Variants in INTS9 observed in about 807,000 individuals in gnomAD.
INTS9 encodes the protein integrator complex subunit 9.
In INTS9, 55 loss-of-function variants were observed where a neutral mutation model predicts 79.7. The observed-to-expected ratio is 0.69, with a 90% CI of 0.56 to 0.86. INTS9 has a LOEUF of 0.86. Among genes scored for constraint, INTS9 ranks in the 40% least tolerant of loss-of-function variants. The pLI is 0.00. For synonymous variants in INTS9, 319 were observed against 325.2 expected (o/e 0.98, Z 0.20); for missense variants, 721 against 831.5 (o/e 0.87, Z 1.64).
intron 9 of INTS9, among the ~76,000 whole-genome samples, chr8:28,796,023 T>C (rs1166198190): frequency 1.3e-5 from 2 of 152,080 alleles, no homozygotes; most frequent in Non-Finnish European, 2.9e-5. Flanking sequence ...AAAATATACC[T>C]GTTTGGCCGG....
In INTS9 at chr8:28,768,115, G is replaced by C. The variant is rs1041007285; in HGVS notation, c.*31C>G. 1.9e-6 allele frequency: 3 copies of C among 1,611,426 alleles called. No homozygotes were observed. The highest frequency in any genetic ancestry group is 2.5e-6 in the Non-Finnish European group (3 of 1,178,286). The stretch of plus-strand genomic sequence containing the variant: ...TGAGGGCAGCCAGTGAGGGACTGCA[G>C]GATTTCAGGGAAGTAGCTCAGATGG... On this transcript the variant is annotated 3_prime_UTR_variant, in exon 17 of 17. Coordinates refer to ENST00000521022, the MANE Select transcript of INTS9 (RefSeq NM_018250.4).
chr8:28,779,620 C>G (rs1803121524), intron 12 of INTS9, among the ~76,000 whole-genome samples: 1 of 152,200 alleles, frequency 6.6e-6, no homozygotes, highest in African/African-American at 2.4e-5. Flanking sequence ...CATCCTGACG[C>G]CACCCAATAC....
intron 6 of INTS9, among the ~76,000 whole-genome samples, chr8:28,815,679 A>G (rs757473250): frequency 5.3e-5 from 8 of 152,178 alleles, no homozygotes; most frequent in Non-Finnish European, 1.2e-4. Context: ...AGATTAATAA[A>G]AAATACCAAA....
chr8:28,819,250 G>A (rs943948660), intron 6 of INTS9, among the ~76,000 whole-genome samples: 1 of 152,184 alleles, frequency 6.6e-6, no homozygotes, highest in African/African-American at 2.4e-5. Context: ...ATGTTAGGGT[G>A]TCAATTTTGG....
At chr8:28,801,994 T>G (rs1342310152) in intron 8 of INTS9, among the ~76,000 whole-genome samples, 2 of 152,162 alleles carry the variant, frequency 1.3e-5, no homozygotes, top group Non-Finnish European at 2.9e-5. Context: ...GATCATGAAG[T>G]ACAGGTGTGG....
intron 1 of INTS9, among the ~76,000 whole-genome samples, chr8:28,869,094 C>CA (rs1010675925): frequency 5.6e-4 from 78 of 140,208 alleles, no homozygotes; most frequent in Middle Eastern, 3.7e-3. Context: ...ACTTCTGTCT[C>CA]AAAAAAAAAA....
intron 15 of INTS9, among the ~76,000 whole-genome samples, chr8:28,770,366 C>CT: frequency 6.6e-6 from 1 of 152,226 alleles, no homozygotes; most frequent in East Asian, 1.9e-4. Flanking sequence ...GACCCCGTGG[C>CT]TGGGCACACT....
Position 28,877,908 on chromosome 8 carries a change from C to A in INTS9, c.9+11966G>T, listed in dbSNP as rs75195421. Among the ~76,000 whole-genome samples the A allele has an allele frequency of 6.7e-3, 1,021 of 151,956 alleles. 14 individuals are homozygous for A. The highest frequency in any genetic ancestry group is 0.055 in the East Asian group (286 of 5,182). On this transcript the variant is annotated intron_variant, in intron 1 of 16. Transcript: ENST00000521022. ...AATTCTAAATGCTTCCTACAAGCAA[C>A]GAAAATACAAAGGGTGTTAGAAATA...
intron 2 of INTS9, among the ~76,000 whole-genome samples, chr8:28,850,822 A>C (rs560755421): frequency 1.4e-4 from 21 of 152,354 alleles, no homozygotes; most frequent in African/African-American, 5.1e-4. Flanking sequence ...TGAGTTTCCA[A>C]TTCTGGAGAA....
At chr8:28,841,071 C>T (rs10096475) in intron 4 of INTS9, among the ~76,000 whole-genome samples, 134,288 of 152,144 alleles carry the variant, frequency 0.88, 59,326 homozygotes, top group East Asian at 0.93. Context: ...AAACGAGTAA[C>T]TTAATAAAGC....
At position 28,780,890 on chromosome 8, in the gene INTS9, G is replaced by A. The variant is rs1345718784; in HGVS notation, c.1203C>T (p.Arg401=). 1.2e-6 allele frequency: 2 copies of A among 1,614,204 alleles called. No homozygotes were observed. Among genetic ancestry groups the A allele is most frequent in the Middle Eastern group, 1.7e-4 (1 of 6,058 alleles). The part of the protein sequence containing the change: ...CVVFTGHPSL[R]FGDVVHFMEL... ...CCATGAAGTGGACCACGTCCCCGAAGCGGAGGGAAGGGTGCCCGGTGAACA... is the reference window on the plus strand; with the variant it reads ...CCATGAAGTGGACCACGTCCCCGAAACGGAGGGAAGGGTGCCCGGTGAACA... The change falls in exon 12 of 17, where the codon CGC becomes CGT. Residue 401 remains arginine (R), a synonymous_variant. Transcript: ENST00000521022.
At chr8:28,855,028 C>T (rs999936547) in intron 2 of INTS9, among the ~76,000 whole-genome samples, 4 of 152,166 alleles carry the variant, frequency 2.6e-5, no homozygotes, top group African/African-American at 9.7e-5. Flanking sequence ...TTCAGTCCTT[C>T]TCACCATGAA....
At chr8:28,819,558 G>C (rs1805703438) in intron 6 of INTS9, among the ~76,000 whole-genome samples, 1 of 152,216 alleles carries the variant, frequency 6.6e-6, no homozygotes, top group African/African-American at 2.4e-5. Context: ...TTGCTGAGGA[G>C]AGCTTTACTT....
At chr8:28,885,282 G>T (rs1810121968) in intron 1 of INTS9, among the ~76,000 whole-genome samples, 1 of 152,192 alleles carries the variant, frequency 6.6e-6, no homozygotes, top group South Asian at 2.1e-4. Context: ...AATTTAATAA[G>T]TATAGTATAA....
chr8:28,814,945 CATGGCACAT>C (rs1805382676), intron 6 of INTS9, among the ~76,000 whole-genome samples: 1 of 152,184 alleles, frequency 6.6e-6, no homozygotes, highest in Admixed American at 6.5e-5. Flanking sequence ...AAGTCCTACC[CATGGCACAT>C]AGACTTTCTA....
chr8:28,887,597 A>G (rs1810237762), intron 1 of INTS9, among the ~76,000 whole-genome samples: 1 of 152,224 alleles, frequency 6.6e-6, no homozygotes, highest in South Asian at 2.1e-4. Flanking sequence ...ATATTTCTGA[A>G]GCAGTACACA....
chr8:28,781,152 G>A (rs1281454583), intron 11 of INTS9, among the ~76,000 whole-genome samples, 158 bp from the exon 12 acceptor site: 1 of 152,056 alleles, frequency 6.6e-6, no homozygotes, highest in Non-Finnish European at 1.5e-5. Context: ...ACCTGAGAGA[G>A]GACTGTGACC....
intron 10 of INTS9, among the ~76,000 whole-genome samples, chr8:28,788,313 C>G (rs1803730206): frequency 6.6e-6 from 1 of 152,170 alleles, no homozygotes; most frequent in Admixed American, 6.5e-5. Context: ...CCAATCATGT[C>G]CCTTTTCTGT....
intron 10 of INTS9, among the ~76,000 whole-genome samples, chr8:28,792,486 CA>C (rs1185416234): frequency 1.3e-5 from 2 of 148,710 alleles, no homozygotes; most frequent in African/African-American, 5.0e-5. Flanking sequence ...AAACTTCTTG[CA>C]AAAAAACAAA....
Sources: gnomAD v4.1 joint callset for allele counts (sites outside exome capture counted in the v4.1 genomes callset) on GRCh38, gnomAD v4.1.1 for gene constraint, MANE v1.5 for transcripts, NCBI Gene and HGNC (gene_info 2026-07-23, HGNC 2026-07-21) for gene names.